Variants in KNG1 observed in about 807,000 individuals in gnomAD.
KNG1 encodes kininogen-1.
A neutral mutation model predicts 47.8 loss-of-function variants in KNG1; 23 were observed. The ratio of observed to expected loss-of-function variants is 0.48; its 90% CI spans 0.35 to 0.68. The LOEUF (loss-of-function observed/expected upper bound fraction) is 0.68, where lower values mean the gene tolerates loss of function less well. Ranked by LOEUF, KNG1 falls within the 30% of genes least tolerant of loss-of-function variation. The pLI, the probability that KNG1 is intolerant of heterozygous loss-of-function variation, is 0.01. For missense variants in KNG1, 762 were observed against 790.2 expected (o/e 0.96, Z 0.43); for synonymous variants, 277 against 277.0 (o/e 1.00, Z 0.00).
At chr3:186,739,550 C>T (rs779336550) in intron 9 of KNG1, 136 bp downstream of exon 9, 6 of 717,858 alleles carry the variant, frequency 8.4e-6, no homozygotes, top group Non-Finnish European at 1.3e-5. Context: ...TCTCACACTT[C>T]TGTGCTGATC....
intron 7 of KNG1, among the ~76,000 whole-genome samples, chr3:186,737,988 C>A (rs1034868314): frequency 1.6e-4 from 24 of 148,904 alleles, no homozygotes; most frequent in African/African-American, 5.7e-4. Flanking sequence ...ATTTTTTTTT[C>A]TTTTTGAGAC....
chr3:186,730,655 CAAAAAAAAAAAAAAAAA>C (rs869232105), intron 5 of KNG1, among the ~76,000 whole-genome samples: 1 of 80,114 alleles, frequency 1.2e-5, no homozygotes, highest in East Asian at 4.3e-4. Flanking sequence ...GACTCCATCA[CAAAAAAAAAAAAAAAAA>C]AAAAAAAAAA....
At chr3:186,737,447 C>T (rs918307628) in intron 7 of KNG1, among the ~76,000 whole-genome samples, 5 of 152,100 alleles carry the variant, frequency 3.3e-5, no homozygotes, top group Middle Eastern at 3.4e-3. Flanking sequence ...AGTATTTTCC[C>T]CTTCCTTCAG....
Position 186,717,482 on chromosome 3 carries a change from C to A in KNG1, c.-61C>A, listed in dbSNP as rs1283742019. On this transcript the variant is annotated 5_prime_UTR_variant, in exon 1 of 10. Coordinates refer to ENST00000644859, the MANE Select transcript of KNG1 (RefSeq NM_001102416.3). The stretch of plus-strand genomic sequence containing the variant: ...CTGGAGATTGTCAAATTCAGTATCC[C>A]AGTTGGCTCTTGATTCTTGGTGAAA... The A allele has an allele frequency of 2.5e-6, 3 of 1,206,118 alleles. No homozygotes were observed. The highest frequency in any genetic ancestry group is 1.2e-5 in the South Asian group (1 of 82,054). The allele number at this position is 1,206,118 out of a possible 1,614,324, so 74.7% of individuals were successfully genotyped here. A position where few individuals can be genotyped will look rare whatever the true frequency, so the allele number is the denominator to read the frequency against.
chr3:186,739,132 G>T lies in KNG1; in HGVS notation c.964G>T (p.Val322Leu), dbSNP rs200390171. The stretch of plus-strand genomic sequence containing the variant: ...TGGCAAGAAATATTTTATTGACTTC[G>T]TGGCCAGGGAAACCACATGTTCCAA... Reference protein sequence around the residue: ...VAGKKYFIDFVARETTCSKES... With the variant: ...VAGKKYFIDFLARETTCSKES... Residue 322 changes from valine (V) to leucine (L), a missense_variant, in exon 8 of 10, where the codon GTG becomes TTG. Val to Leu is a conservative substitution (Grantham distance 32). Coordinates refer to ENST00000644859, the MANE Select transcript of KNG1 (RefSeq NM_001102416.3). 1.9e-6 allele frequency: 3 copies of T among 1,614,008 alleles called. No homozygotes were observed. Among genetic ancestry groups the T allele is most frequent in the Non-Finnish European group, 2.5e-6 (3 of 1,179,994 alleles).
At chr3:186,738,563 T>C (rs1579129073) in intron 7 of KNG1, 1 of 152,800 alleles carries the variant, frequency 6.5e-6, no homozygotes, top group Non-Finnish European at 1.5e-5. Flanking sequence ...ATAAAAATTA[T>C]AGGCCAGGCA....
chr3:186,742,506 A>G lies in KNG1; in HGVS notation c.*175A>G. 1 of 1,436,976 alleles carries G rather than the reference A, an allele frequency of 7.0e-7. No homozygotes were observed. The highest frequency in any genetic ancestry group is 1.5e-5 in the South Asian group (1 of 66,640). The allele number at this position is 1,436,976 out of a possible 1,614,324, so 89.0% of individuals were successfully genotyped here. ...GACACCATCAGTCTCCACGGACTGC[A>G]TAAAATTGTGTGCCACAATTCTAAC... On this transcript the variant is annotated 3_prime_UTR_variant, in exon 10 of 10. Coordinates refer to ENST00000644859, the MANE Select transcript of KNG1 (RefSeq NM_001102416.3).
chr3:186,738,855 A>T, intron 7 of KNG1: 1 of 409,660 alleles, frequency 2.4e-6, no homozygotes, highest in South Asian at 2.4e-5. Flanking sequence ...TCAAAAAAAA[A>T]AAATAAAGAA....
intron 7 of KNG1, among the ~76,000 whole-genome samples, chr3:186,737,806 C>T (rs952452965): frequency 1.3e-5 from 2 of 151,976 alleles, no homozygotes; most frequent in Non-Finnish European, 2.9e-5. Context: ...GTGATCTGCC[C>T]GCCTCAGGCC....
chr3:186,729,441 T>C (rs935755290), intron 5 of KNG1, among the ~76,000 whole-genome samples: 13 of 152,270 alleles, frequency 8.5e-5, no homozygotes, highest in Non-Finnish European at 1.3e-4. Context: ...TATCAATAGG[T>C]GAATGGATAA....
chr3:186,732,810 A>G (rs75465939), intron 7 of KNG1, 136 bp downstream of exon 7: 2 of 751,106 alleles, frequency 2.7e-6, no homozygotes, highest in Non-Finnish European at 4.8e-6. Flanking sequence ...GATTTGGTAA[A>G]TTAAGTGCCA....
At chr3:186,726,304 GGA>G (rs1720372887) in intron 4 of KNG1, among the ~76,000 whole-genome samples, 2 of 126,742 alleles carry the variant, frequency 1.6e-5, no homozygotes, top group Non-Finnish European at 3.4e-5. Context: ...TGTTTTTTGA[GGA>G]AGAGTCTTGT....
At position 186,739,404 on chromosome 3, in the gene KNG1, C is replaced by G; in HGVS notation, c.1115C>G (p.Pro372Arg). 6.2e-7 allele frequency: 1 copy of G among 1,604,912 alleles called. No individual in the cohort carries two copies. ...KKIYPTVNCQ[P>R]LGMISLMKRP... ...ATTTACCCTACTGTCAACTGTCAAC[C>G]ACTGGGAATGGTATGATTCTAATTA... is the stretch of plus-strand genomic sequence containing the variant. The change falls in exon 9 of 10, where the codon CCA (proline) becomes CGA (arginine). Residue 372 changes from proline to arginine, a missense_variant. Transcript: ENST00000644859.
chr3:186,726,658 T>A (rs1720382166), intron 4 of KNG1, among the ~76,000 whole-genome samples: 2 of 152,170 alleles, frequency 1.3e-5, no homozygotes, highest in African/African-American at 4.8e-5. Flanking sequence ...TGATTCCCTT[T>A]GGTTAGTAAC....
intron 1 of KNG1, among the ~76,000 whole-genome samples, chr3:186,719,685 C>T (rs994872993): frequency 2.7e-5 from 4 of 150,824 alleles, no homozygotes; most frequent in East Asian, 1.9e-4. Flanking sequence ...GCCGAGATCA[C>T]GCCACTGCAC....
At chr3:186,722,098 C>T (rs5029996) in intron 2 of KNG1, 397 of 146,732 alleles carry the variant, frequency 2.7e-3, no homozygotes, top group African/African-American at 0.017. Context: ...GCCTGGGTAA[C>T]AAAAGCAACA....
In KNG1 at chr3:186,732,628, C is replaced by A; in HGVS notation, c.884C>A (p.Ala295Glu). 6.2e-7 allele frequency: 1 copy of A among 1,614,002 alleles called. No homozygotes were observed. Among genetic ancestry groups the A allele is most frequent in the Non-Finnish European group, 8.5e-7 (1 of 1,179,900 alleles). The change falls in exon 7 of 10, where the codon GCA becomes GAA. Residue 295 changes from alanine (A) to glutamate (E), a missense_variant. Coordinates refer to ENST00000644859, the MANE Select transcript of KNG1 (RefSeq NM_001102416.3). The part of the protein sequence containing the change: ...TITKLNAENN[A>E]TFYFKIDNVK... ...ACAAAGCTTAATGCAGAGAATAACG[C>A]AACTTTCTATTTCAAGATTGACAAT...
chr3:186,727,493 C>A (rs780886576), intron 5 of KNG1, 149 bp downstream of exon 5: 1 of 653,630 alleles, frequency 1.5e-6, no homozygotes, highest in Admixed American at 2.3e-5. Flanking sequence ...CTAAAGCTCA[C>A]GTCACTGGTC....
At position 186,722,470 on chromosome 3, in the gene KNG1, A is replaced by G; in HGVS notation, c.340A>G (p.Arg114Gly). The G allele has an allele frequency of 6.2e-7, 1 of 1,614,090 alleles. No individual in the cohort carries two copies. Among genetic ancestry groups the G allele is most frequent in the Non-Finnish European group, 8.5e-7 (1 of 1,179,968 alleles). ...AGAATGCACGGCAACCGTGGGGAAG[A>G]GGAGCAGTACGAAATTCTCCGTGGC... ...TGECTATVGKRSSTKFSVATQ... is the reference protein window; with the variant it reads ...TGECTATVGKGSSTKFSVATQ... Residue 114 changes from arginine (R) to glycine (G), a missense_variant, in exon 3 of 10, where the codon AGG (arginine) becomes GGG (glycine). Arg to Gly is a moderately radical substitution (Grantham distance 125). Transcript: ENST00000644859.
Sources: gnomAD v4.1 joint callset for allele counts (sites outside exome capture counted in the v4.1 genomes callset) on GRCh38, gnomAD v4.1.1 for gene constraint, MANE v1.5 for transcripts, NCBI Gene and HGNC (gene_info 2026-07-23, HGNC 2026-07-21) for gene names.